The following CLSTN2 variants were observed in gnomAD, a reference collection of about 807,000 sequenced individuals.
CLSTN2 encodes the protein calsyntenin-2.
In CLSTN2, 48 loss-of-function variants were observed where a neutral mutation model predicts 101.2. The observed-to-expected ratio is 0.47, with a 90% CI of 0.38 to 0.60. The LOEUF is 0.60. Among genes scored for constraint, CLSTN2 ranks in the 20% least tolerant of loss-of-function variants. The probability of loss-of-function intolerance (pLI) is 0.00; values close to 1 mark genes in which losing one functional copy is unlikely to be tolerated. For synonymous variants in CLSTN2, 481 were observed against 463.6 expected (o/e 1.04, Z -0.48); for missense variants, 1,160 against 1,238.2 (o/e 0.94, Z 0.95).
Position 140,421,227 on chromosome 3 carries a change from C to T in CLSTN2, c.740C>T (p.Thr247Ile), listed in dbSNP as rs1304969196. 2 of 1,614,048 alleles carry T rather than the reference C, an allele frequency of 1.2e-6. No individual in the cohort carries two copies. The highest frequency in any genetic ancestry group is 2.2e-5 in the East Asian group (1 of 44,898). ...GGACAGAAGCCCGCTGCTCAGGACACCCTGGTGCAGGTGGATGTGAAGCCA... is the reference window on the plus strand; with the variant it reads ...GGACAGAAGCCCGCTGCTCAGGACATCCTGGTGCAGGTGGATGTGAAGCCA... ...DCGQKPAAQD[T>I]LVQVDVKPVC... The change falls in exon 5 of 17, where the codon ACC becomes ATC. Residue 247 changes from threonine (T) to isoleucine (I), a missense_variant. Coordinates refer to ENST00000458420, the MANE Select transcript of CLSTN2 (RefSeq NM_022131.3).
At chr3:140,130,018 C>A (rs2009499453) in intron 1 of CLSTN2, among the ~76,000 whole-genome samples, 1 of 152,212 alleles carries the variant, frequency 6.6e-6, no homozygotes, top group Non-Finnish European at 1.5e-5. Flanking sequence ...TACTGAACAG[C>A]TTTAGCAAAG....
chr3:140,062,586 AC>A (rs1419496147), intron 1 of CLSTN2, among the ~76,000 whole-genome samples: 20 of 152,202 alleles, frequency 1.3e-4, no homozygotes, highest in Admixed American at 1.3e-3. Flanking sequence ...AGAGCTGCAG[AC>A]TGCATAGATA....
chr3:140,039,447 A>G (rs1488117855), intron 1 of CLSTN2, among the ~76,000 whole-genome samples: 1 of 152,200 alleles, frequency 6.6e-6, no homozygotes, highest in African/African-American at 2.4e-5. Flanking sequence ...ATTCCTAGCT[A>G]ATTGGATATT....
At chr3:140,316,712 A>G (rs2087234780) in intron 2 of CLSTN2, among the ~76,000 whole-genome samples, 1 of 152,132 alleles carries the variant, frequency 6.6e-6, no homozygotes, top group African/African-American at 2.4e-5. Context: ...AGAGGCTCAC[A>G]CATTTCCCAC....
chr3:140,505,470 G>A (rs1934668964), intron 8 of CLSTN2: 1 of 152,160 alleles, frequency 6.6e-6, no homozygotes, highest in Admixed American at 6.5e-5. Context: ...GGTTTACAGA[G>A]CCAGTAGCTG....
intron 2 of CLSTN2, among the ~76,000 whole-genome samples, chr3:140,316,083 C>T (rs191409449): frequency 9.3e-4 from 141 of 152,284 alleles, no homozygotes; most frequent in Middle Eastern, 3.4e-3. Flanking sequence ...TGAGTGCTGG[C>T]TGTGCATTGG....
chr3:140,514,477 C>T (rs1934879167), intron 8 of CLSTN2, among the ~76,000 whole-genome samples: 1 of 152,066 alleles, frequency 6.6e-6, no homozygotes, highest in South Asian at 2.1e-4. Flanking sequence ...GGTATTCATA[C>T]ATATACATAT....
intron 4 of CLSTN2, among the ~76,000 whole-genome samples, chr3:140,405,479 G>A (rs532518372): frequency 3.3e-5 from 5 of 152,166 alleles, no homozygotes; most frequent in South Asian, 4.2e-4. Flanking sequence ...CACCCACCTC[G>A]GCCTCCCAAA....
At position 140,126,117 on chromosome 3, in the gene CLSTN2, G is replaced by A. The variant is rs117613749; in HGVS notation, c.110-49834G>A. 9.2e-5 allele frequency among the ~76,000 whole-genome samples: 14 copies of A among 152,266 alleles called. No homozygotes were observed. In the East Asian group the frequency reaches 2.1e-3, roughly 23 times the overall value. On this transcript the variant is annotated intron_variant, in intron 1 of 16. Transcript: ENST00000458420. ...TGTATAGCCTTAGGAGTGGGGCCAC[G>A]AAGTGGGAGGAGAAGAGAGATCATT...
At chr3:140,110,871 T>C (rs1031356323) in intron 1 of CLSTN2, among the ~76,000 whole-genome samples, 9 of 152,146 alleles carry the variant, frequency 5.9e-5, no homozygotes, top group African/African-American at 1.9e-4. Flanking sequence ...TAGACCAAGA[T>C]GGGACTTGCA....
At chr3:139,939,797 G>C (rs1935094695) in intron 1 of CLSTN2, among the ~76,000 whole-genome samples, 1 of 152,164 alleles carries the variant, frequency 6.6e-6, no homozygotes, top group South Asian at 2.1e-4. Flanking sequence ...GTCTTCTAGT[G>C]GTATAACAGA....
chr3:140,167,531 C>A (rs1177657281), intron 1 of CLSTN2, among the ~76,000 whole-genome samples: 1 of 152,164 alleles, frequency 6.6e-6, no homozygotes, highest in Non-Finnish European at 1.5e-5. Context: ...TTTGTTCTTG[C>A]CCCACATGTA....
chr3:140,158,499 A>G (rs972993968), intron 1 of CLSTN2, among the ~76,000 whole-genome samples: 3 of 152,192 alleles, frequency 2.0e-5, no homozygotes, highest in African/African-American at 7.2e-5. Flanking sequence ...AAGGAGATGA[A>G]AGATCTCTAG....
At chr3:140,427,207 G>GTGTATATA (rs1397987072) in intron 5 of CLSTN2, among the ~76,000 whole-genome samples, 2 of 84,988 alleles carry the variant, frequency 2.4e-5, no homozygotes, top group African/African-American at 1.5e-4. Context: ...ATATATATGT[G>GTGTATATA]TATATATATA....
intron 1 of CLSTN2, among the ~76,000 whole-genome samples, chr3:140,022,535 C>G (rs546306976): frequency 1.3e-5 from 2 of 152,278 alleles, no homozygotes; most frequent in South Asian, 4.1e-4. Flanking sequence ...TGAACCAGGC[C>G]AGGAGACTGG....
In CLSTN2 at chr3:139,948,062, C is replaced by A. The variant is rs572113885; in HGVS notation, c.109+12579C>A. Among the ~76,000 whole-genome samples the A allele has an allele frequency of 6.6e-5, 10 of 152,256 alleles. No individual in the cohort carries two copies. The East Asian group carries it at 1.9e-3, about 29-fold the overall frequency. ...AACAGAAGAGGAGAACAAACAGAAT[C>A]ATCACATTAGCCTTTAGCACTCCTC... is the stretch of plus-strand genomic sequence containing the variant. On this transcript the variant is annotated intron_variant, in intron 1 of 16. Coordinates refer to ENST00000458420, the MANE Select transcript of CLSTN2 (RefSeq NM_022131.3).
chr3:140,534,058 C>G (rs148613724), intron 9 of CLSTN2, among the ~76,000 whole-genome samples: 1 of 152,160 alleles, frequency 6.6e-6, no homozygotes, highest in South Asian at 2.1e-4. Flanking sequence ...CCAGGTAGAC[C>G]GTGTCACATG....
intron 2 of CLSTN2, among the ~76,000 whole-genome samples, chr3:140,354,586 T>C (rs928461837): frequency 1.3e-5 from 2 of 152,152 alleles, no homozygotes. Context: ...AGGCATCTCC[T>C]AAGACATGGC....
chr3:140,493,733 C>T (rs1934395282), intron 8 of CLSTN2, among the ~76,000 whole-genome samples: 1 of 152,208 alleles, frequency 6.6e-6, no homozygotes, highest in East Asian at 1.9e-4. Flanking sequence ...TACATTTACT[C>T]TTTTATTCGT....
Sources: gnomAD v4.1 joint callset for allele counts (sites outside exome capture counted in the v4.1 genomes callset) on GRCh38, gnomAD v4.1.1 for gene constraint, MANE v1.5 for transcripts, NCBI Gene and HGNC (gene_info 2026-07-23, HGNC 2026-07-21) for gene names.